The following MPDZ variants were observed in gnomAD, a reference collection of about 807,000 sequenced individuals.
MPDZ encodes the protein multiple PDZ domain crumbs cell polarity complex component.
A neutral mutation model predicts 239.1 loss-of-function variants in MPDZ; 234 were observed. That is an observed-to-expected ratio of 0.98 (90% CI 0.88 to 1.09). The LOEUF (loss-of-function observed/expected upper bound fraction) is 1.09, where lower values mean the gene tolerates loss of function less well. MPDZ is among the 50% of genes least tolerant of loss of function. The pLI is 0.00. For synonymous variants in MPDZ, 1,048 were observed against 881.3 expected (o/e 1.19, Z -3.35); for missense variants, 3,175 against 2,510.0 (o/e 1.26, Z -5.66).
At chr9:13,182,004 A>G (rs145743485) in intron 19 of MPDZ, among the ~76,000 whole-genome samples, 6 of 152,158 alleles carry the variant, frequency 3.9e-5, no homozygotes, top group African/African-American at 1.4e-4. Flanking sequence ...CTTGCAAACC[A>G]TTTCAAGGAG....
At chr9:13,133,076 A>G (rs1946247847) in intron 32 of MPDZ, among the ~76,000 whole-genome samples, 2 of 152,224 alleles carry the variant, frequency 1.3e-5, no homozygotes, top group South Asian at 4.1e-4. Context: ...ATTATAAAGT[A>G]TTCAACATAC....
At chr9:13,161,681 C>G in intron 23 of MPDZ, among the ~76,000 whole-genome samples, 1 of 152,112 alleles carries the variant, frequency 6.6e-6, no homozygotes, top group East Asian at 1.9e-4. Flanking sequence ...CAGTTGCCAG[C>G]ACAACTGAAA....
chr9:13,167,218 A>G (rs762615118), intron 22 of MPDZ, among the ~76,000 whole-genome samples: 1 of 152,090 alleles, frequency 6.6e-6, no homozygotes, highest in Non-Finnish European at 1.5e-5. Context: ...CTTATGATAA[A>G]AGGACTGACA....
intron 1 of MPDZ, among the ~76,000 whole-genome samples, chr9:13,275,521 C>T (rs1227171809): frequency 6.6e-6 from 1 of 152,152 alleles, no homozygotes; most frequent in Non-Finnish European, 1.5e-5. Context: ...GCAGCCCTAT[C>T]AAACTAATAC....
At chr9:13,120,694 C>T (rs1176241847) in intron 38 of MPDZ, 1 of 152,232 alleles carries the variant, frequency 6.6e-6, no homozygotes, top group African/African-American at 2.4e-5. Flanking sequence ...TATTTCCATA[C>T]AGAAAAGTCG....
At chr9:13,270,966 G>T (rs1310295427) in intron 1 of MPDZ, among the ~76,000 whole-genome samples, 17 of 152,026 alleles carry the variant, frequency 1.1e-4, no homozygotes, top group Admixed American at 1.1e-3. Context: ...CATGCAAGTG[G>T]GTGAGGAATA....
At chr9:13,147,744 G>T (rs1948630982) in intron 25 of MPDZ, 86 bp from the exon 26 acceptor site, 1 of 928,222 alleles carries the variant, frequency 1.1e-6, no homozygotes, top group Non-Finnish European at 1.7e-6. Context: ...GGGATACTTG[G>T]TTAGACTCCT....
Position 13,222,339 on chromosome 9 carries a change from T to A in MPDZ, c.641A>T (p.Asp214Val). Residue 214 changes from aspartate to valine, a missense_variant, in exon 6 of 47, where the codon GAT (aspartate) becomes GTT (valine). Physicochemically the swap from Asp to Val is radical, Grantham distance 152. Transcript: ENST00000319217. ...TCTGGCAATAACTAGCTGGACAGTA[T>A]CTTTGGCTTTCTGCAGGATGCTGAT... ...QAISILQKAKDTVQLVIARGS... is the reference protein window; with the variant it reads ...QAISILQKAKVTVQLVIARGS... 2 of 1,613,038 alleles carry A rather than the reference T, an allele frequency of 1.2e-6. No individual in the cohort carries two copies. The highest frequency in any genetic ancestry group is 1.7e-6 in the Non-Finnish European group (2 of 1,179,336).
chr9:13,222,533 T>C (rs1587915186), intron 5 of MPDZ, 87 bp from the exon 6 acceptor site: 1 of 1,039,662 alleles, frequency 9.6e-7, no homozygotes, highest in East Asian at 2.4e-5. Context: ...TCAAGTCATT[T>C]TTAATCCTAT....
At chr9:13,241,424 T>G (rs970841940) in intron 3 of MPDZ, among the ~76,000 whole-genome samples, 14 of 152,212 alleles carry the variant, frequency 9.2e-5, no homozygotes, top group Non-Finnish European at 1.6e-4. Flanking sequence ...AGCATATTTC[T>G]TTCGTTCTGT....
At chr9:13,269,899 A>T (rs1323959159) in intron 1 of MPDZ, among the ~76,000 whole-genome samples, 2 of 152,220 alleles carry the variant, frequency 1.3e-5, no homozygotes, top group African/African-American at 4.8e-5. Flanking sequence ...AACCTATCTG[A>T]ACACGTACCT....
intron 23 of MPDZ, among the ~76,000 whole-genome samples, chr9:13,161,532 T>C (rs1029217306): frequency 2.0e-5 from 3 of 152,000 alleles, no homozygotes; most frequent in Non-Finnish European, 2.9e-5. Flanking sequence ...AATCGCACCA[T>C]TGCACTGCAC....
chr9:13,160,830 TTATATATA>T (rs58374268), intron 23 of MPDZ, among the ~76,000 whole-genome samples: 465 of 37,986 alleles, frequency 0.012, 14 homozygotes, highest in South Asian at 0.041. Context: ...ATTATTAAAA[TTATATATA>T]TATATATATA....
intron 3 of MPDZ, among the ~76,000 whole-genome samples, chr9:13,245,104 T>G (rs1393296127): frequency 1.3e-5 from 2 of 152,046 alleles, no homozygotes; most frequent in African/African-American, 4.8e-5. Context: ...AAAGAATAAA[T>G]TTAATTCCTG....
In MPDZ at chr9:13,183,578, G is replaced by C; in HGVS notation, c.2489C>G (p.Thr830Arg). ...TTCATCTACTAAGTCAGCATCATTT[G>C]TGCCCACCTAGAAACAAAACAATAA... ...LFRADLALVG[T>R]NDADLVDEST... Residue 830 changes from threonine (T) to arginine (R), a missense_variant, in exon 19 of 47, where the codon ACA (threonine) becomes AGA (arginine). Transcript: ENST00000319217. The C allele has an allele frequency of 6.2e-7, 1 of 1,611,846 alleles. No homozygotes were observed. Among genetic ancestry groups the C allele is most frequent in the East Asian group, 2.2e-5 (1 of 44,704 alleles).
intron 34 of MPDZ, 33 bp downstream of exon 34, chr9:13,126,483 T>G: frequency 1.4e-6 from 2 of 1,450,138 alleles, no homozygotes; most frequent in Non-Finnish European, 1.9e-6. Flanking sequence ...AGGATGGGCC[T>G]ACATTACCAT....
intron 1 of MPDZ, among the ~76,000 whole-genome samples, chr9:13,258,526 G>GC (rs1969960354): frequency 1.3e-5 from 2 of 152,314 alleles, no homozygotes; most frequent in African/African-American, 4.8e-5. Context: ...GTAGTCAATT[G>GC]CAAGTAGTTT....
At chr9:13,122,494 T>C (rs550343747) in intron 36 of MPDZ, among the ~76,000 whole-genome samples, 1 of 152,206 alleles carries the variant, frequency 6.6e-6, no homozygotes, top group Admixed American at 6.5e-5. Context: ...CTAGAAGACT[T>C]TGTCTACAAA....
chr9:13,245,030 AG>A (rs1397741587), intron 3 of MPDZ, among the ~76,000 whole-genome samples: 1 of 152,150 alleles, frequency 6.6e-6, no homozygotes, highest in Non-Finnish European at 1.5e-5. Context: ...ATTTGAAAAC[AG>A]GTAAGGTATG....
Sources: allele counts gnomAD v4.1 joint callset (sites outside exome capture counted in the v4.1 genomes callset), GRCh38; gene constraint gnomAD v4.1.1; transcripts MANE v1.5; gene names NCBI Gene and HGNC (gene_info 2026-07-23, HGNC 2026-07-21).